The following IQGAP1 variants were observed in gnomAD, a reference collection of about 807,000 sequenced individuals.
The protein encoded by IQGAP1 is ras GTPase-activating-like protein IQGAP1.
A neutral mutation model predicts 215.6 loss-of-function variants in IQGAP1; 66 were observed. That is an observed-to-expected ratio of 0.31 (90% CI 0.25 to 0.38). IQGAP1 has a LOEUF of 0.38. IQGAP1 is among the 10% of genes least tolerant of loss of function. IQGAP1 has a pLI of 1.00. For missense variants in IQGAP1, 1,712 were observed against 1,997.1 expected (o/e 0.86, Z 2.72); for synonymous variants, 772 against 728.7 (o/e 1.06, Z -0.96).
chr15:90,414,465 C>G (rs1965015523), intron 2 of IQGAP1, among the ~76,000 whole-genome samples: 1 of 152,144 alleles, frequency 6.6e-6, no homozygotes, highest in Non-Finnish European at 1.5e-5. Context: ...CTTACAGGAG[C>G]CAAAGATGAC....
intron 3 of IQGAP1, among the ~76,000 whole-genome samples, chr15:90,427,838 T>C (rs938995377): frequency 2.0e-5 from 3 of 152,090 alleles, no homozygotes; most frequent in Non-Finnish European, 4.4e-5. Context: ...TGAAAGATAG[T>C]GGAGAATTGC....
intron 36 of IQGAP1, among the ~76,000 whole-genome samples, chr15:90,496,420 G>A (rs1966275744): frequency 1.3e-5 from 2 of 149,498 alleles, no homozygotes; most frequent in African/African-American, 5.0e-5. Flanking sequence ...CTGCCTCCCG[G>A]GTTCAATCAA....
chr15:90,430,376 A>G (rs776244986), intron 4 of IQGAP1, among the ~76,000 whole-genome samples: 2 of 152,174 alleles, frequency 1.3e-5, no homozygotes, highest in Non-Finnish European at 2.9e-5. Context: ...GCTTCTGGGA[A>G]GTTATCCGAA....
Position 90,426,196 on chromosome 15 carries a change from T to TG in IQGAP1, c.246dup (p.Asn83GlufsTer15), listed in dbSNP as rs1463189769. On this transcript the variant is annotated frameshift_variant, in exon 3 of 38. Coordinates refer to ENST00000268182, the MANE Select transcript of IQGAP1 (RefSeq NM_003870.4). LOFTEE classifies it high-confidence loss of function. ...AGGAATGGGGTCTACCTTGCCAAACTGGGGAACTTCTTCTCTCCCAAAGTA... is the reference window on the plus strand; with the variant it reads ...AGGAATGGGGTCTACCTTGCCAAACTGGGGGAACTTCTTCTCTCCCAAAGTA... 1 of 1,602,312 alleles carries TG rather than the reference T, an allele frequency of 6.2e-7. No homozygotes were observed. The highest frequency in any genetic ancestry group is 1.4e-5 in the African/African-American group (1 of 73,742).
chr15:90,423,464 C>G (rs1448650997), intron 2 of IQGAP1, among the ~76,000 whole-genome samples: 3 of 152,140 alleles, frequency 2.0e-5, no homozygotes, highest in Non-Finnish European at 4.4e-5. Flanking sequence ...AACTCCTGAC[C>G]TCAAGTGTTC....
chr15:90,458,067 A>G (rs1965711400), intron 15 of IQGAP1, among the ~76,000 whole-genome samples: 1 of 152,222 alleles, frequency 6.6e-6, no homozygotes, highest in Admixed American at 6.5e-5. Flanking sequence ...GCCCTGGGCA[A>G]CCATCAGACT....
intron 2 of IQGAP1, among the ~76,000 whole-genome samples, chr15:90,393,184 C>CAT (rs1451680208): frequency 1.1e-5 from 1 of 95,228 alleles, no homozygotes; most frequent in Non-Finnish European, 1.9e-5. Flanking sequence ...GAGATCCAGA[C>CAT]ACATAGTAGT....
chr15:90,501,603 G>A lies in IQGAP1; in HGVS notation c.*1495G>A, dbSNP rs1326223294. 6.6e-6 allele frequency: 1 copy of A among 152,174 alleles called. No homozygotes were observed. Among genetic ancestry groups the A allele is most frequent in the African/African-American group, 2.4e-5 (1 of 41,434 alleles). 9.4% of individuals were successfully genotyped at this position (152,174 alleles called of 1,614,324 possible). ...AAATGCATTGGAGAAGTATTTTTAT[G>A]AGACTCTTTACTCAGGTGCATGGTT... On this transcript the variant is annotated 3_prime_UTR_variant, in exon 38 of 38. Coordinates refer to ENST00000268182, the MANE Select transcript of IQGAP1 (RefSeq NM_003870.4).
At chr15:90,468,075 GT>G (rs200776956) in intron 18 of IQGAP1, among the ~76,000 whole-genome samples, 11 of 144,334 alleles carry the variant, frequency 7.6e-5, no homozygotes, top group Non-Finnish European at 1.1e-4. Flanking sequence ...TTTGTTTTTT[GT>G]TTTTTTTTTG....
At chr15:90,408,000 A>T in intron 2 of IQGAP1, among the ~76,000 whole-genome samples, 1 of 152,234 alleles carries the variant, frequency 6.6e-6, no homozygotes, top group East Asian at 1.9e-4. Flanking sequence ...TTAATGTGTG[A>T]GAGTTTAGAC....
intron 2 of IQGAP1, among the ~76,000 whole-genome samples, chr15:90,418,492 G>A (rs981607946): frequency 9.2e-5 from 14 of 152,062 alleles, no homozygotes; most frequent in African/African-American, 3.4e-4. Flanking sequence ...GGAGGCTGAG[G>A]TGGGAGCATC....
intron 11 of IQGAP1, among the ~76,000 whole-genome samples, chr15:90,450,217 A>G (rs1435416381): frequency 2.0e-5 from 3 of 151,480 alleles, no homozygotes; most frequent in Non-Finnish European, 2.9e-5. Context: ...TTTAGCTCCC[A>G]TATATGAGTG....
At chr15:90,473,576 C>G in intron 19 of IQGAP1, 139 bp from the exon 20 acceptor site, 1 of 630,930 alleles carries the variant, frequency 1.6e-6, no homozygotes, top group East Asian at 2.8e-5. Flanking sequence ...CCTTGTTCCC[C>G]TGTCACTGCT....
At chr15:90,399,662 C>G (rs757474611) in intron 2 of IQGAP1, among the ~76,000 whole-genome samples, 1 of 152,118 alleles carries the variant, frequency 6.6e-6, no homozygotes, top group East Asian at 1.9e-4. Flanking sequence ...GTTTAATAAT[C>G]GATTGGCTTA....
chr15:90,495,950 TTTA>T (rs1179621827), intron 36 of IQGAP1, among the ~76,000 whole-genome samples: 2 of 149,760 alleles, frequency 1.3e-5, no homozygotes, highest in Non-Finnish European at 3.0e-5. Flanking sequence ...ATTATTATTA[TTTA>T]TTATTATAGG....
intron 2 of IQGAP1, among the ~76,000 whole-genome samples, chr15:90,398,898 C>G (rs984348364): frequency 4.0e-5 from 6 of 149,932 alleles, no homozygotes; most frequent in South Asian, 2.1e-4. Context: ...CCCAGCTACT[C>G]TGGAAGCTGA....
chr15:90,476,993 A>G (rs765880223), intron 24 of IQGAP1, 74 bp from the exon 25 acceptor site: 354 of 1,466,706 alleles, frequency 2.4e-4, no homozygotes, highest in Non-Finnish European at 3.2e-4. Context: ...TAGTCCTTCA[A>G]TTTTAAATAA....
chr15:90,473,213 C>G, intron 19 of IQGAP1: 1 of 550,330 alleles, frequency 1.8e-6, no homozygotes, highest in South Asian at 2.3e-5. Context: ...AGTGGCAGTT[C>G]TTGGGTACCT....
At chr15:90,451,639 T>C (rs1344340922) in intron 11 of IQGAP1, among the ~76,000 whole-genome samples, 1 of 151,956 alleles carries the variant, frequency 6.6e-6, no homozygotes, top group Non-Finnish European at 1.5e-5. Context: ...TTTTTTTTCA[T>C]ACCCTTAGGG....
Sources: allele counts gnomAD v4.1 joint callset (sites outside exome capture counted in the v4.1 genomes callset), GRCh38; gene constraint gnomAD v4.1.1; transcripts MANE v1.5; gene names NCBI Gene and HGNC (gene_info 2026-07-23, HGNC 2026-07-21).